Variants in LRPPRC observed in about 807,000 individuals in gnomAD.
LRPPRC encodes leucine rich pentatricopeptide repeat containing, also known as leucine-rich PPR motif-containing protein, mitochondrial.
LRPPRC carries 120 observed loss-of-function variants against 180.3 expected under a neutral mutation model. The ratio of observed to expected loss-of-function variants is 0.67; its 90% CI spans 0.57 to 0.77. LRPPRC has a LOEUF of 0.77. LRPPRC is among the 30% of genes least tolerant of loss of function. The pLI is 0.00. For synonymous variants in LRPPRC, 723 were observed against 600.0 expected, an observed-to-expected ratio of 1.21 and a Z score of -3.00; for missense variants, 2,012 against 1,657.2, an observed-to-expected ratio of 1.21 and a Z score of -3.72.
chr2:43,974,303 G>C lies in LRPPRC; in HGVS notation c.1010-8C>G, dbSNP rs1673953019. 2 of 1,602,172 alleles carry C rather than the reference G, an allele frequency of 1.2e-6. No homozygotes were observed. The highest frequency in any genetic ancestry group is 8.6e-7 in the Non-Finnish European group (1 of 1,169,180). ...AAATGAGGTTCATTGCATCTGGGAA[G>C]AAAACAAAGACATCTTTTGTTAATA... On this transcript the variant is annotated splice_region_variant and splice_polypyrimidine_tract_variant and intron_variant, in intron 8 of 37. Coordinates refer to ENST00000260665, the MANE Select transcript of LRPPRC (RefSeq NM_133259.4).
At position 43,973,862 on chromosome 2, in the gene LRPPRC, C is replaced by G. The variant is rs771019014; in HGVS notation, c.1194G>C (p.Lys398Asn). 1.9e-6 allele frequency: 3 copies of G among 1,613,318 alleles called. No individual in the cohort carries two copies. The African/African-American group carries it at 4.0e-5, about 22-fold the overall frequency. Residue 398 changes from lysine (K) to asparagine (N), a missense_variant, in exon 10 of 38, where the codon AAG (lysine) becomes AAC (asparagine). By Grantham distance (94) the Lys-to-Asn change is moderately conservative (BLOSUM62 0). Transcript: ENST00000260665. ...EKLTDYCKKL[K>N]EVQMHSFPLQ... is the part of the protein sequence containing the mutation. ...GAGGAAAGGAGTGCATCTGGACTTC[C>G]TTTAACTTCTTACAGTAGTCTGTTA...
chr2:43,985,074 A>G (rs1288586828), intron 1 of LRPPRC, among the ~76,000 whole-genome samples: 1 of 151,760 alleles, frequency 6.6e-6, no homozygotes, highest in Non-Finnish European at 1.5e-5. Context: ...AAAAAAAGAT[A>G]TAAGGGATCA....
In LRPPRC at chr2:43,946,097, G is replaced by A. The variant is rs373393565; in HGVS notation, c.2210+16C>T. 5.0e-6 allele frequency: 8 copies of A among 1,611,476 alleles called. No homozygotes were observed. Among genetic ancestry groups the A allele is most frequent in the Non-Finnish European group, 6.8e-6 (8 of 1,177,998 alleles). On this transcript the variant is annotated intron_variant, in intron 21 of 37. Transcript: ENST00000260665. ...GAATAAATGTTGACAACTTGTTTCA[G>A]TGCCAGGGTACTCACAATTCTTCTT...
chr2:43,917,019 C>T (rs1360019517), intron 29 of LRPPRC, among the ~76,000 whole-genome samples: 1 of 139,566 alleles, frequency 7.2e-6, no homozygotes, highest in African/African-American at 2.6e-5. Flanking sequence ...TTATATCTAA[C>T]AATTAACATC....
intron 1 of LRPPRC, among the ~76,000 whole-genome samples, chr2:43,993,159 A>C (rs1674862112): frequency 6.6e-6 from 1 of 152,194 alleles, no homozygotes; most frequent in African/African-American, 2.4e-5. Context: ...CAAGGCCTAA[A>C]AAGTGGATTT....
chr2:43,960,121 G>T (rs1673281782), intron 13 of LRPPRC, among the ~76,000 whole-genome samples: 1 of 152,172 alleles, frequency 6.6e-6, no homozygotes, highest in Non-Finnish European at 1.5e-5. Flanking sequence ...ATGAAGACTA[G>T]AAGTCTTTAT....
chr2:43,899,663 G>C (rs1670817299), intron 32 of LRPPRC, 58 bp from the exon 33 acceptor site: 1 of 1,165,150 alleles, frequency 8.6e-7, no homozygotes, highest in Non-Finnish European at 1.3e-6. Context: ...ATTACAGGCA[G>C]TTTAGTCTAA....
In LRPPRC at chr2:43,934,201, T is replaced by C. The variant is rs760951237; in HGVS notation, c.2725A>G (p.Lys909Glu). ...LQTGNYKEAKKIIETPGIRAR... is the reference protein window; with the variant it reads ...LQTGNYKEAKEIIETPGIRAR... ...AGTTAAAATCACACCTCAATGATCT[T>C]CTTGGCCTCTTTGTAATTTCCTGTT... Residue 909 changes from lysine to glutamate, a missense_variant, in exon 25 of 38, where the codon AAG (lysine) becomes GAG (glutamate). By Grantham distance (56) the Lys-to-Glu change is moderately conservative (BLOSUM62 1). Transcript: ENST00000260665. 1 of 1,587,516 alleles carries C rather than the reference T, an allele frequency of 6.3e-7. No homozygotes were observed. The highest frequency in any genetic ancestry group is 1.7e-5 in the Admixed American group (1 of 59,918).
intron 23 of LRPPRC, among the ~76,000 whole-genome samples, chr2:43,935,461 AC>A (rs1672242357): frequency 6.6e-6 from 1 of 152,250 alleles, no homozygotes; most frequent in South Asian, 2.1e-4. Context: ...TATTATGAAA[AC>A]TAGGATATTC....
chr2:43,984,468 G>A (rs1329810686), intron 1 of LRPPRC, among the ~76,000 whole-genome samples: 1 of 152,182 alleles, frequency 6.6e-6, no homozygotes, highest in Non-Finnish European at 1.5e-5. Context: ...TCATATACAT[G>A]TCTTTACTGC....
chr2:43,955,635 G>T (rs34027060), intron 14 of LRPPRC, among the ~76,000 whole-genome samples: 8,848 of 152,136 alleles, frequency 0.058, 301 homozygotes, highest in Middle Eastern at 0.1. Context: ...AGCTGCTCGG[G>T]AGGCTACGAT....
Position 43,912,501 on chromosome 2 carries a change from G to A in LRPPRC, c.3206C>T (p.Thr1069Ile), listed in dbSNP as rs1359605253. The change falls in exon 30 of 38, where the codon ACC becomes ATC. Residue 1069 changes from threonine to isoleucine, a missense_variant. Coordinates refer to ENST00000260665, the MANE Select transcript of LRPPRC (RefSeq NM_133259.4). ...KEQNIVFNAE[T>I]YSNLIKLLMS... ...CAGTAATTTAATGAGATTGCTGTAGGTTTCAGCATTAAACACAATGTTTTG... is the reference window on the plus strand; with the variant it reads ...CAGTAATTTAATGAGATTGCTGTAGATTTCAGCATTAAACACAATGTTTTG... 1 of 1,588,982 alleles carries A rather than the reference G, an allele frequency of 6.3e-7. No homozygotes were observed.
chr2:43,950,424 A>G (rs947616983), intron 15 of LRPPRC, 149 bp downstream of exon 15: 1 of 703,620 alleles, frequency 1.4e-6, no homozygotes, highest in African/African-American at 1.8e-5. Context: ...AAAGACACAC[A>G]TAACTATTAT....
intron 29 of LRPPRC, among the ~76,000 whole-genome samples, chr2:43,913,355 A>C (rs1337813972): frequency 6.6e-6 from 1 of 152,200 alleles, no homozygotes. Context: ...ATCACAATAA[A>C]GATGGGGCAT....
At chr2:43,968,725 G>A (rs62135111) in intron 11 of LRPPRC, among the ~76,000 whole-genome samples, 28,383 of 152,098 alleles carry the variant, frequency 0.19, 3,375 homozygotes, top group African/African-American at 0.33. Flanking sequence ...CAGGGACTAG[G>A]GTGAGGGAGA....
At chr2:43,935,196 T>C (rs1028990557) in intron 23 of LRPPRC, among the ~76,000 whole-genome samples, 1 of 152,232 alleles carries the variant, frequency 6.6e-6, no homozygotes, top group Non-Finnish European at 1.5e-5. Context: ...ATTCTGACTT[T>C]ATGTAGAAAG....
chr2:43,908,019 G>T (rs77652737), intron 30 of LRPPRC, among the ~76,000 whole-genome samples: 1,718 of 152,258 alleles, frequency 0.011, 32 homozygotes, highest in African/African-American at 0.04. Context: ...TATGCAGAAA[G>T]GACATTAGTT....
In LRPPRC at chr2:43,974,624, T is replaced by C; in HGVS notation, c.999A>G (p.Arg333=). 6.3e-7 allele frequency: 1 copy of C among 1,584,852 alleles called. No individual in the cohort carries two copies. The highest frequency in any genetic ancestry group is 8.7e-7 in the Non-Finnish European group (1 of 1,154,086). ...TTTTTTTAAAACTACCTGGAATATA[T>C]CTTCTTTCACATGTAACTTTTTCCA... ...EILEKVTCER[R]YIPDAMNLIL... is the part of the protein sequence containing the mutation. The change falls in exon 8 of 38, where the codon AGA becomes AGG. Residue 333 remains arginine (R), a synonymous_variant. Transcript: ENST00000260665.
chr2:43,945,571 T>C (rs1672651754), intron 21 of LRPPRC, among the ~76,000 whole-genome samples, 154 bp from the exon 22 acceptor site: 1 of 152,106 alleles, frequency 6.6e-6, no homozygotes, highest in Non-Finnish European at 1.5e-5. Context: ...TGAAGCCATA[T>C]ACAAGTTCAC....
Sources: allele counts gnomAD v4.1 joint callset (sites outside exome capture counted in the v4.1 genomes callset), GRCh38; gene constraint gnomAD v4.1.1; transcripts MANE v1.5; gene names NCBI Gene and HGNC (gene_info 2026-07-23, HGNC 2026-07-21).